Variants in POLE2 observed in about 807,000 individuals in gnomAD.
POLE2 encodes the protein DNA polymerase epsilon 2, accessory subunit.
POLE2 carries 56 observed loss-of-function variants against 79.4 expected under a neutral mutation model. The observed-to-expected ratio is 0.71, with a 90% CI of 0.57 to 0.88. POLE2 has a LOEUF of 0.88. Ranked by LOEUF, POLE2 falls within the 40% of genes least tolerant of loss-of-function variation. POLE2 has a pLI of 0.00. For synonymous variants in POLE2, 212 were observed against 214.0 expected (o/e 0.99, Z 0.08); for missense variants, 598 against 638.9 (o/e 0.94, Z 0.69).
At chr14:49,651,448 TTACAA>T (rs1242935381) in intron 15 of POLE2, 71 bp from the exon 16 acceptor site, 5 of 656,510 alleles carry the variant, frequency 7.6e-6, no homozygotes, top group Non-Finnish European at 1.3e-5. Flanking sequence ...GTAAAATCTC[TTACAA>T]TACAACCCCA....
At chr14:49,681,994 T>G (rs1464315598) in intron 2 of POLE2, 1 of 150,912 alleles carries the variant, frequency 6.6e-6, no homozygotes, top group Non-Finnish European at 1.5e-5. Flanking sequence ...TTTCTTGAAA[T>G]CCACTTATTC....
rs1310999219 is a variant in POLE2 at position 49,643,557 on chromosome 14, A to C, written c.*95T>G. On this transcript the variant is annotated 3_prime_UTR_variant, in exon 19 of 19. Coordinates refer to ENST00000216367, the MANE Select transcript of POLE2 (RefSeq NM_002692.4). ...ATACAAATTTAAGCAGAACATCCTAAAGTTTACCATAATTTTATTGTAATA... is the reference window on the plus strand; with the variant it reads ...ATACAAATTTAAGCAGAACATCCTACAGTTTACCATAATTTTATTGTAATA... The C allele has an allele frequency of 2.8e-6, 2 of 707,188 alleles. No individual in the cohort carries two copies. Among genetic ancestry groups the C allele is most frequent in the African/African-American group, 3.8e-5 (2 of 53,152 alleles). The allele number at this position is 707,188 out of a possible 1,614,324, so 43.8% of individuals were successfully genotyped here. A position where few individuals can be genotyped will look rare whatever the true frequency, so the allele number is the denominator to read the frequency against.
intron 3 of POLE2, among the ~76,000 whole-genome samples, chr14:49,674,720 C>A (rs1263627893): frequency 1.3e-5 from 2 of 152,058 alleles, no homozygotes; most frequent in African/African-American, 4.8e-5. Flanking sequence ...GCATGCACCA[C>A]CACGTCCAGT....
chr14:49,657,210 A>G (rs957475488), intron 10 of POLE2, among the ~76,000 whole-genome samples: 3 of 152,168 alleles, frequency 2.0e-5, no homozygotes, highest in Non-Finnish European at 4.4e-5. Context: ...TGCTCAAAAC[A>G]TATTTCCTGA....
chr14:49,654,440 A>G (rs1489045666), intron 13 of POLE2: 3 of 489,264 alleles, frequency 6.1e-6, no homozygotes, highest in African/African-American at 6.0e-5. Flanking sequence ...AATTGTGGCT[A>G]GCATAGCTGA....
At chr14:49,682,530 G>A (rs142475347) in intron 2 of POLE2, among the ~76,000 whole-genome samples, 1,569 of 150,426 alleles carry the variant, frequency 0.01, 26 homozygotes, top group African/African-American at 0.036. Flanking sequence ...CCAGCTACTC[G>A]GGAGGCTGAG....
At position 49,654,014 on chromosome 14, in the gene POLE2, G is replaced by T. The variant is rs1252998648; in HGVS notation, c.1187C>A (p.Ser396Ter). The change falls in exon 15 of 19, where the codon TCA (serine) becomes TAA (stop). Residue 396 changes from serine to a stop codon, truncating the protein, a stop_gained. Coordinates refer to ENST00000216367, the MANE Select transcript of POLE2 (RefSeq NM_002692.4). LOFTEE classifies it high-confidence loss of function. ...TNEFRQRVPFSVFTTNPCRIQ... is the reference protein window; with the variant it reads ...TNEFRQRVPF ...CCTGCAAGGATTAGTAGTAAAAACT[G>T]AAAATGGTACCCTTTGTCTGAATTC... is the stretch of plus-strand genomic sequence containing the variant. 1 of 1,594,282 alleles carries T rather than the reference G, an allele frequency of 6.3e-7. No homozygotes were observed. The highest frequency in any genetic ancestry group is 8.6e-7 in the Non-Finnish European group (1 of 1,163,002).
chr14:49,647,407 T>A lies in POLE2; in HGVS notation c.1498-47A>T, dbSNP rs541051448. ...GTAAGTGAATGCTCAGACTTTTTTT[T>A]AAAATAAATTTTTTTAAACACAATA... On this transcript the variant is annotated intron_variant, in intron 17 of 18. Transcript: ENST00000216367. 9.1e-3 allele frequency: 6,992 copies of A among 771,242 alleles called. 161 individuals are homozygous for A. Among genetic ancestry groups the A allele is most frequent in the African/African-American group, 0.062 (3,415 of 54,810 alleles). The allele number at this position is 771,242 out of a possible 1,614,324, so 47.8% of individuals were successfully genotyped here.
chr14:49,670,524 A>G (rs566340230), intron 5 of POLE2, among the ~76,000 whole-genome samples: 117 of 152,106 alleles, frequency 7.7e-4, no homozygotes, highest in African/African-American at 2.6e-3. Flanking sequence ...TAGGATTGAT[A>G]CCCCTTCCCC....
intron 15 of POLE2, among the ~76,000 whole-genome samples, chr14:49,653,068 G>C (rs569838770): frequency 1.3e-5 from 2 of 152,316 alleles, no homozygotes; most frequent in East Asian, 1.9e-4. Flanking sequence ...GACCATGAAG[G>C]TGTCATGAAC....
chr14:49,670,743 A>C (rs1314369921), intron 5 of POLE2, among the ~76,000 whole-genome samples: 1 of 152,196 alleles, frequency 6.6e-6, no homozygotes, highest in Non-Finnish European at 1.5e-5. Flanking sequence ...GGGAGAACCT[A>C]TTTGAAAGTA....
chr14:49,647,287 A>G lies in POLE2; in HGVS notation c.1565+6T>C. 1 of 1,434,354 alleles carries G rather than the reference A, an allele frequency of 7.0e-7. No homozygotes were observed. The allele number at this position is 1,434,354 out of a possible 1,614,324, so 88.9% of individuals were successfully genotyped here. Reference sequence around the variant, plus strand: ...TCTTTCTTGCTGTGTCTGTGCACACACTTACCTATCTTCTACTGTCTTATT... The same window carrying G: ...TCTTTCTTGCTGTGTCTGTGCACACGCTTACCTATCTTCTACTGTCTTATT... On this transcript the variant is annotated splice_donor_region_variant and intron_variant, in intron 18 of 18. Coordinates refer to ENST00000216367, the MANE Select transcript of POLE2 (RefSeq NM_002692.4).
intron 3 of POLE2, 142 bp from the exon 4 acceptor site, chr14:49,674,569 T>C (rs1325129138): frequency 6.4e-6 from 4 of 623,700 alleles, no homozygotes; most frequent in Non-Finnish European, 1.1e-5. Flanking sequence ...CTTTTTCTTT[T>C]TCTTTTTCTT....
rs1884549065 is a variant in POLE2, at chr14:49,654,998, T to C, written c.1018+7A>G. The C allele has an allele frequency of 5.9e-6, 9 of 1,531,666 alleles. No individual in the cohort carries two copies. The highest frequency in any genetic ancestry group is 8.0e-6 in the Non-Finnish European group (9 of 1,127,094). 94.9% of individuals were successfully genotyped at this position (1,531,666 alleles called of 1,614,324 possible). ...GAAACACTTCTTATTAAATAGATCGTTAATACCTTTCAAAGCTTGAACTTG... is the reference window on the plus strand; with the variant it reads ...GAAACACTTCTTATTAAATAGATCGCTAATACCTTTCAAAGCTTGAACTTG... On this transcript the variant is annotated splice_region_variant and intron_variant, in intron 12 of 18. Transcript: ENST00000216367.
chr14:49,643,759 T>G, intron 18 of POLE2, 89 bp from the exon 19 acceptor site: 1 of 634,092 alleles, frequency 1.6e-6, no homozygotes, highest in Non-Finnish European at 2.7e-6. Context: ...TAGGTATAGT[T>G]AATTGATTTT....
chr14:49,687,695 C>T (rs920619879), intron 1 of POLE2, among the ~76,000 whole-genome samples: 21 of 151,920 alleles, frequency 1.4e-4, no homozygotes, highest in Non-Finnish European at 2.2e-4. Context: ...CCTCAAGATC[C>T]ACCTCGCTTC....
chr14:49,657,558 A>G (rs1019531957), intron 10 of POLE2, among the ~76,000 whole-genome samples: 5 of 151,704 alleles, frequency 3.3e-5, no homozygotes, highest in African/African-American at 1.2e-4. Flanking sequence ...CTCCTGCCTC[A>G]GCCTCCTGAG....
At chr14:49,656,614 C>A (rs1187720577) in intron 10 of POLE2, among the ~76,000 whole-genome samples, 1 of 152,112 alleles carries the variant, frequency 6.6e-6, no homozygotes, top group Non-Finnish European at 1.5e-5. Context: ...TTATTCAATG[C>A]TCACCAAGCA....
intron 5 of POLE2, among the ~76,000 whole-genome samples, chr14:49,670,534 C>T (rs916734114): frequency 1.2e-4 from 19 of 152,062 alleles, no homozygotes; most frequent in Non-Finnish European, 2.5e-4. Flanking sequence ...ACCCCTTCCC[C>T]CTTCTATAGA....
Sources: allele counts gnomAD v4.1 joint callset (sites outside exome capture counted in the v4.1 genomes callset), GRCh38; gene constraint gnomAD v4.1.1; transcripts MANE v1.5; gene names NCBI Gene and HGNC (gene_info 2026-07-23, HGNC 2026-07-21).